Variants in GXYLT2 observed in about 807,000 individuals in gnomAD.
GXYLT2 encodes the protein glucoside xylosyltransferase 2.
In GXYLT2, 53 loss-of-function variants were observed where a neutral mutation model predicts 45.8. The ratio of observed to expected loss-of-function variants is 1.16; its 90% CI spans 0.93 to 1.46. The LOEUF is 1.46. GXYLT2 is among the 40% of genes most tolerant of loss of function. GXYLT2 has a pLI of 0.00. For missense variants in GXYLT2, 551 were observed against 544.4 expected, an observed-to-expected ratio of 1.01 and a Z score of -0.12; for synonymous variants, 219 against 214.2, an observed-to-expected ratio of 1.02 and a Z score of -0.19.
Position 72,921,660 on chromosome 3 carries a change from C to T in GXYLT2, c.469-544C>T, listed in dbSNP as rs559654118. Among the ~76,000 whole-genome samples, 336 of 152,160 alleles carry T rather than the reference C, an allele frequency of 2.2e-3. 4 individuals are homozygous for T. Among genetic ancestry groups the T allele is most frequent in the African/African-American group, 7.3e-3 (304 of 41,508 alleles). On this transcript the variant is annotated intron_variant, in intron 2 of 6. Coordinates refer to ENST00000389617, the MANE Select transcript of GXYLT2 (RefSeq NM_001080393.2). ...GCCAGGCTGGTCTCAAACTTCTGGC[C>T]TGAAGAGATCCACCCACTTCAGCCT...
intron 5 of GXYLT2, among the ~76,000 whole-genome samples, chr3:72,965,331 A>T (rs2107152979): frequency 6.6e-6 from 1 of 152,336 alleles, no homozygotes; most frequent in East Asian, 1.9e-4. Flanking sequence ...GTAAGTAATC[A>T]CTAAGCAATG....
intron 3 of GXYLT2, among the ~76,000 whole-genome samples, chr3:72,954,265 G>A (rs953045838): frequency 1.1e-4 from 17 of 151,684 alleles, no homozygotes; most frequent in Non-Finnish European, 2.1e-4. Flanking sequence ...ACACCACCAC[G>A]CCCAGCTAAT....
intron 1 of GXYLT2, among the ~76,000 whole-genome samples, 152 bp downstream of exon 1, chr3:72,888,660 G>GA (rs1421383862): frequency 1.3e-5 from 2 of 152,128 alleles, no homozygotes; most frequent in Non-Finnish European, 2.9e-5. Flanking sequence ...CGATAGAAAA[G>GA]AAGACCCACC....
At chr3:72,935,347 A>G in intron 3 of GXYLT2, among the ~76,000 whole-genome samples, 1 of 152,222 alleles carries the variant, frequency 6.6e-6, no homozygotes, top group East Asian at 1.9e-4. Context: ...GAAGGAGAAT[A>G]GCAATAAAAT....
chr3:72,952,954 C>A (rs1284658786), intron 3 of GXYLT2, among the ~76,000 whole-genome samples: 9 of 152,102 alleles, frequency 5.9e-5, no homozygotes, highest in Admixed American at 5.9e-4. Context: ...TCAAATCCTT[C>A]CTTGGTTAAG....
chr3:72,960,018 T>C (rs1159855131), intron 5 of GXYLT2, among the ~76,000 whole-genome samples: 1 of 152,164 alleles, frequency 6.6e-6, no homozygotes, highest in Admixed American at 6.6e-5. Flanking sequence ...CGATCTCGGC[T>C]CACTGCAACC....
At chr3:72,938,956 G>A (rs1441192015) in intron 3 of GXYLT2, among the ~76,000 whole-genome samples, 1 of 152,182 alleles carries the variant, frequency 6.6e-6, no homozygotes, top group Non-Finnish European at 1.5e-5. Context: ...TCATTGATTG[G>A]TGCATGCCTG....
chr3:72,911,541 G>T (rs1709622507), intron 2 of GXYLT2, among the ~76,000 whole-genome samples: 1 of 152,136 alleles, frequency 6.6e-6, no homozygotes, highest in African/African-American at 2.4e-5. Flanking sequence ...GGGTCTGGGG[G>T]AAGCCAGCTA....
At chr3:72,956,797 C>T (rs187587993) in intron 4 of GXYLT2, among the ~76,000 whole-genome samples, 8 of 151,522 alleles carry the variant, frequency 5.3e-5, no homozygotes, top group Admixed American at 3.3e-4. Flanking sequence ...GGCTGAGGCA[C>T]GAGAATCGCT....
At chr3:72,931,354 C>A (rs976707147) in intron 3 of GXYLT2, among the ~76,000 whole-genome samples, 1 of 151,840 alleles carries the variant, frequency 6.6e-6, no homozygotes, top group Non-Finnish European at 1.5e-5. Flanking sequence ...CTCAGCTTGC[C>A]GAGTAGCTGG....
At chr3:72,929,983 A>G (rs377322359) in intron 3 of GXYLT2, among the ~76,000 whole-genome samples, 8 of 152,138 alleles carry the variant, frequency 5.3e-5, no homozygotes, top group African/African-American at 1.7e-4. Flanking sequence ...CCTGGCCAAC[A>G]TGGTGAAATG....
chr3:72,932,821 A>T (rs1327401543), intron 3 of GXYLT2, among the ~76,000 whole-genome samples: 1 of 152,226 alleles, frequency 6.6e-6, no homozygotes, highest in Non-Finnish European at 1.5e-5. Flanking sequence ...GAAGCATTTA[A>T]TGGAGACAAA....
intron 2 of GXYLT2, among the ~76,000 whole-genome samples, chr3:72,915,562 G>C (rs1709724630): frequency 6.6e-6 from 1 of 151,868 alleles, no homozygotes; most frequent in African/African-American, 2.4e-5. Context: ...GGAGCTGGGC[G>C]CGGGTGGCTC....
At chr3:72,964,613 A>G (rs1255006006) in intron 5 of GXYLT2, among the ~76,000 whole-genome samples, 2 of 152,154 alleles carry the variant, frequency 1.3e-5, no homozygotes, top group Non-Finnish European at 2.9e-5. Flanking sequence ...GAGCCATTGC[A>G]CCCAGCCGAG....
chr3:72,959,344 C>G (rs1414292141), intron 5 of GXYLT2, among the ~76,000 whole-genome samples: 1 of 151,876 alleles, frequency 6.6e-6, no homozygotes, highest in Non-Finnish European at 1.5e-5. Context: ...TCTCAAACTC[C>G]TGACCTCATG....
Position 72,922,249 on chromosome 3 carries a change from A to G in GXYLT2, c.514A>G (p.Ile172Val). Reference sequence around the variant, plus strand: ...ATATACAAAGAAGTTTGAGCACAGAATCTACCCCATCACATTTTCTGTTGG... The same window carrying G: ...ATATACAAAGAAGTTTGAGCACAGAGTCTACCCCATCACATTTTCTGTTGG... Reference protein sequence around the residue: ...DSYTKKFEHRIYPITFSVGNP... With the variant: ...DSYTKKFEHRVYPITFSVGNP... Residue 172 changes from isoleucine (I) to valine (V), a missense_variant, in exon 3 of 7, where the codon ATC becomes GTC. Ile to Val is a conservative substitution (Grantham distance 29). Transcript: ENST00000389617. The G allele has an allele frequency of 6.2e-7, 1 of 1,613,746 alleles. No individual in the cohort carries two copies. Among genetic ancestry groups the G allele is most frequent in the Non-Finnish European group, 8.5e-7 (1 of 1,179,724 alleles).
chr3:72,908,682 G>T, intron 2 of GXYLT2, 123 bp downstream of exon 2: 1 of 768,130 alleles, frequency 1.3e-6, no homozygotes, highest in South Asian at 1.8e-5. Context: ...TTGAACACTT[G>T]ACTCTGAGCC....
intron 3 of GXYLT2, among the ~76,000 whole-genome samples, chr3:72,950,250 C>T (rs1228588028): frequency 2.0e-5 from 3 of 152,158 alleles, no homozygotes; most frequent in East Asian, 3.9e-4. Flanking sequence ...CACTTGAGGT[C>T]AGGAGTTCAA....
chr3:72,889,485 T>C (rs1709136768), intron 1 of GXYLT2, among the ~76,000 whole-genome samples: 1 of 152,216 alleles, frequency 6.6e-6, no homozygotes, highest in Non-Finnish European at 1.5e-5. Context: ...AAGAAGTAGC[T>C]GTGTCAGCCT....
Sources: gnomAD v4.1 joint callset for allele counts (sites outside exome capture counted in the v4.1 genomes callset) on GRCh38, gnomAD v4.1.1 for gene constraint, MANE v1.5 for transcripts, NCBI Gene and HGNC (gene_info 2026-07-23, HGNC 2026-07-21) for gene names.